The following VMP1 variants were observed in gnomAD, a reference collection of about 807,000 sequenced individuals.
VMP1 encodes the protein vacuole membrane protein 1.
VMP1 carries 11 observed loss-of-function variants against 56.0 expected under a neutral mutation model. That is an observed-to-expected ratio of 0.20 (90% CI 0.12 to 0.32). The LOEUF is 0.32. VMP1 is among the 10% of genes least tolerant of loss of function. The probability of loss-of-function intolerance (pLI) is 1.00; values close to 1 mark genes in which losing one functional copy is unlikely to be tolerated. For synonymous variants in VMP1, 149 were observed against 165.0 expected (o/e 0.90, Z 0.74); for missense variants, 296 against 490.3 (o/e 0.60, Z 3.74).
At chr17:59,761,119 T>C (rs1302045569) in intron 5 of VMP1, among the ~76,000 whole-genome samples, 1 of 151,780 alleles carries the variant, frequency 6.6e-6, no homozygotes, top group African/African-American at 2.4e-5. Flanking sequence ...GCCAGGCTAG[T>C]CTCGAACTCC....
intron 10 of VMP1, among the ~76,000 whole-genome samples, chr17:59,821,171 G>A (rs769926554): frequency 2.6e-5 from 4 of 151,726 alleles, no homozygotes; most frequent in Middle Eastern, 3.4e-3. Context: ...AGGGTTTCAC[G>A]GTGTTAGCCA....
rs375387406 is a variant in VMP1 at position 59,718,724 on chromosome 17, G to T, written c.-27+10976G>T. Among the ~76,000 whole-genome samples, 38 of 151,628 alleles carry T rather than the reference G, an allele frequency of 2.5e-4. No individual in the cohort carries two copies. The South Asian group carries it at 7.9e-3, about 32-fold the overall frequency. On this transcript the variant is annotated intron_variant, in intron 1 of 11. Coordinates refer to ENST00000262291, the MANE Select transcript of VMP1 (RefSeq NM_030938.5). ...TCATTTTTTTCTTTTAAGAGATGGGGTCTCACTGTGTTTCCCAGGCTGGTC... is the reference window on the plus strand; with the variant it reads ...TCATTTTTTTCTTTTAAGAGATGGGTTCTCACTGTGTTTCCCAGGCTGGTC...
intron 6 of VMP1, among the ~76,000 whole-genome samples, chr17:59,769,613 C>G (rs2036356278): frequency 6.6e-6 from 1 of 152,082 alleles, no homozygotes; most frequent in African/African-American, 2.4e-5. Context: ...ATATTTTGTG[C>G]ATATTAAACT....
rs151326706 is a variant in VMP1 at position 59,780,138 on chromosome 17, G to A, written c.714+6253G>A. 2.6e-3 allele frequency among the ~76,000 whole-genome samples: 392 copies of A among 152,276 alleles called. 1 individual carries two copies. Among genetic ancestry groups the A allele is most frequent in the African/African-American group, 8.4e-3 (349 of 41,556 alleles). On this transcript the variant is annotated intron_variant, in intron 7 of 11. Coordinates refer to ENST00000262291, the MANE Select transcript of VMP1 (RefSeq NM_030938.5). ...TGCACACAATACTTCTGTTGGTTAT[G>A]AGGTTTGGCTATTTTCATCCTGTAA...
In VMP1 at chr17:59,794,995, C is replaced by CTTTTTTT. The variant is rs59397471; in HGVS notation, c.715-13788_715-13782dup. ...GTTGGCACTAAAAGGCAGATTTGAT[C>CTTTTTTT]TTTTTTTTTTTTTTTTTTTGAGACG... On this transcript the variant is annotated intron_variant, in intron 7 of 11. Coordinates refer to ENST00000262291, the MANE Select transcript of VMP1 (RefSeq NM_030938.5). Among the ~76,000 whole-genome samples the CTTTTTTT allele has an allele frequency of 5.8e-5, 7 of 121,220 alleles. 1 individual carries two copies. The highest frequency in any genetic ancestry group is 6.6e-5 in the Non-Finnish European group (4 of 60,702). 79.5% of individuals were successfully genotyped at this position (121,220 alleles called of 152,430 possible). A position where few individuals can be genotyped will look rare whatever the true frequency, so the allele number is the denominator to read the frequency against.
chr17:59,714,658 T>TG (rs1386528607), intron 1 of VMP1, among the ~76,000 whole-genome samples: 1 of 124,330 alleles, frequency 8.0e-6, no homozygotes, highest in Non-Finnish European at 1.7e-5. Flanking sequence ...TGGTGGGGGG[T>TG]GGGGGCGGTG....
At chr17:59,730,982 A>G (rs1422358177) in intron 1 of VMP1, among the ~76,000 whole-genome samples, 1 of 152,180 alleles carries the variant, frequency 6.6e-6, no homozygotes, top group Non-Finnish European at 1.5e-5. Context: ...GTTAAAGGGA[A>G]TATGAAAGAA....
Position 59,793,018 on chromosome 17 carries a change from C to T in VMP1, c.715-15778C>T, listed in dbSNP as rs569459945. 7.1e-4 allele frequency among the ~76,000 whole-genome samples: 78 copies of T among 109,226 alleles called. 25 individuals carry two copies. The highest frequency in any genetic ancestry group is 1.4e-3 in the Non-Finnish European group (63 of 44,218). 71.7% of individuals were successfully genotyped at this position (109,226 alleles called of 152,430 possible). ...CTGGGCCAAATAGTAACACCTCCATCTCTTTTTTTTTTGAGGCGAGTTTTG... is the reference window on the plus strand; with the variant it reads ...CTGGGCCAAATAGTAACACCTCCATTTCTTTTTTTTTTGAGGCGAGTTTTG... On this transcript the variant is annotated intron_variant, in intron 7 of 11. Coordinates refer to ENST00000262291, the MANE Select transcript of VMP1 (RefSeq NM_030938.5).
chr17:59,784,142 T>TGTGTGAGAGAGA (rs556387089), intron 7 of VMP1, among the ~76,000 whole-genome samples: 18 of 130,462 alleles, frequency 1.4e-4, no homozygotes, highest in African/African-American at 5.4e-4. Context: ...TGTGTGTGTG[T>TGTGTGAGAGAGA]GAGAGAGAGA....
At chr17:59,801,226 A>G (rs2037650380) in intron 7 of VMP1, among the ~76,000 whole-genome samples, 1 of 150,408 alleles carries the variant, frequency 6.6e-6, no homozygotes, top group Non-Finnish European at 1.5e-5. Context: ...TATTTACTAT[A>G]CTATAGTTTT....
At chr17:59,773,909 T>G (rs984802676) in intron 7 of VMP1, 24 bp downstream of exon 7, 3 of 1,566,270 alleles carry the variant, frequency 1.9e-6, no homozygotes, top group South Asian at 2.4e-5. Flanking sequence ...GGATAGAAAA[T>G]AGAACACTTT....
intron 7 of VMP1, among the ~76,000 whole-genome samples, chr17:59,794,649 G>A (rs931549727): frequency 1.3e-5 from 2 of 148,688 alleles, no homozygotes; most frequent in African/African-American, 4.9e-5. Context: ...GAAAAGGAGG[G>A]CGAGAGAGCA....
chr17:59,822,790 T>G (rs2038499685), intron 10 of VMP1, among the ~76,000 whole-genome samples: 1 of 151,970 alleles, frequency 6.6e-6, no homozygotes, highest in Admixed American at 6.6e-5. Flanking sequence ...AAAGAGGAGG[T>G]GAACAGCTGG....
At chr17:59,838,102 T>A (rs942010689) in intron 10 of VMP1, 193 bp from the exon 11 acceptor site, 3 of 132,552 alleles carry the variant, frequency 2.3e-5, no homozygotes, top group Non-Finnish European at 4.3e-5. Context: ...TAAATTTTCT[T>A]TTTTTTTTTT....
Position 59,783,186 on chromosome 17 carries a change from ACT to A in VMP1, c.714+9304_714+9305del, listed in dbSNP as rs1166216802. Among the ~76,000 whole-genome samples, 5 of 152,148 alleles carry A rather than the reference ACT, an allele frequency of 3.3e-5. No individual in the cohort carries two copies. In the South Asian group the frequency reaches 6.2e-4, roughly 19 times the overall value. ...AATCCAGCCTGGGCGACAGAGCGAG[ACT>A]CTGTCTCAAAAAAACAAAAAGAAAT... On this transcript the variant is annotated intron_variant, in intron 7 of 11. Transcript: ENST00000262291.
At chr17:59,838,088 G>A (rs1297777414) in intron 10 of VMP1, 8 of 365,090 alleles carry the variant, frequency 2.2e-5, no homozygotes, top group African/African-American at 1.5e-4. Context: ...GTTGTTAGAT[G>A]GAGTAAATTT....
chr17:59,768,355 C>A (rs965299064), intron 6 of VMP1, among the ~76,000 whole-genome samples: 4 of 152,092 alleles, frequency 2.6e-5, no homozygotes, highest in Admixed American at 2.0e-4. Flanking sequence ...GTAATCCCAG[C>A]ACTTTGGGAG....
At chr17:59,784,339 A>G (rs1029584762) in intron 7 of VMP1, among the ~76,000 whole-genome samples, 1 of 151,874 alleles carries the variant, frequency 6.6e-6, no homozygotes, top group African/African-American at 2.4e-5. Flanking sequence ...CTGCATGTCT[A>G]CTTTTTCAGT....
intron 7 of VMP1, among the ~76,000 whole-genome samples, chr17:59,774,107 T>C (rs1280649607): frequency 1.3e-5 from 2 of 152,088 alleles, no homozygotes; most frequent in Non-Finnish European, 2.9e-5. Flanking sequence ...CTTAATACAC[T>C]AAAACACCTT....
Sources: allele counts gnomAD v4.1 joint callset (sites outside exome capture counted in the v4.1 genomes callset), GRCh38; gene constraint gnomAD v4.1.1; transcripts MANE v1.5; gene names NCBI Gene and HGNC (gene_info 2026-07-23, HGNC 2026-07-21).